PDE10A: variants seen among roughly 807,000 people sequenced by gnomAD.
The protein encoded by PDE10A is phosphodiesterase 10A, also known as cAMP and cAMP-inhibited cGMP 3',5'-cyclic phosphodiesterase 10A.
A neutral mutation model predicts 97.7 loss-of-function variants in PDE10A; 39 were observed. The ratio of observed to expected loss-of-function variants is 0.40; its 90% CI spans 0.31 to 0.52. The LOEUF (loss-of-function observed/expected upper bound fraction) is 0.52, where lower values mean the gene tolerates loss of function less well. Ranked by LOEUF, PDE10A falls within the 20% of genes least tolerant of loss-of-function variation. The probability of loss-of-function intolerance (pLI) is 0.56; values close to 1 mark genes in which losing one functional copy is unlikely to be tolerated. For missense variants in PDE10A, 731 were observed against 1,047.8 expected (o/e 0.70, Z 4.17); for synonymous variants, 371 against 376.8 (o/e 0.98, Z 0.18).
chr6:165,778,138 GATCTCAGTTCATTACA>G (rs1304553963), intron 1 of PDE10A, among the ~76,000 whole-genome samples: 1 of 151,818 alleles, frequency 6.6e-6, no homozygotes. Context: ...GCAGTGGCAC[GATCTCAGTTCATTACA>G]ATCTCTGCCT....
intron 1 of PDE10A, among the ~76,000 whole-genome samples, chr6:165,752,419 C>T (rs1793027068): frequency 6.6e-6 from 1 of 152,332 alleles, no homozygotes; most frequent in Middle Eastern, 3.4e-3. Context: ...TCCAGCTGCA[C>T]TGAACCTGGG....
intron 1 of PDE10A, among the ~76,000 whole-genome samples, chr6:165,600,496 T>A (rs1314671668): frequency 1.3e-5 from 2 of 152,222 alleles, no homozygotes; most frequent in South Asian, 4.1e-4. Flanking sequence ...CACATACACA[T>A]GTAAATGTTC....
At chr6:165,466,254 AG>A (rs1476673447) in intron 3 of PDE10A, among the ~76,000 whole-genome samples, 1 of 152,240 alleles carries the variant, frequency 6.6e-6, no homozygotes, top group Admixed American at 6.5e-5. Flanking sequence ...CACACTAACA[AG>A]TTTAGCGAAA....
At chr6:165,888,508 T>A (rs1781691665) in intron 1 of PDE10A, among the ~76,000 whole-genome samples, 1 of 152,048 alleles carries the variant, frequency 6.6e-6, no homozygotes, top group South Asian at 2.1e-4. Flanking sequence ...ATGGTGTCGA[T>A]CTCCTGACCT....
chr6:165,592,105 G>GAT (rs1405280754), intron 1 of PDE10A, among the ~76,000 whole-genome samples: 1 of 152,006 alleles, frequency 6.6e-6, no homozygotes, highest in African/African-American at 2.4e-5. Context: ...TACCAAAACA[G>GAT]ATATATATAG....
At chr6:165,464,910 T>C (rs960301426) in intron 3 of PDE10A, among the ~76,000 whole-genome samples, 1 of 152,256 alleles carries the variant, frequency 6.6e-6, no homozygotes, top group Non-Finnish European at 1.5e-5. Context: ...ATACTATTGC[T>C]GGACATTTGG....
chr6:165,661,189 CG>C lies in PDE10A; in HGVS notation c.865+757del. 6.5e-6 allele frequency: 1 copy of C among 152,892 alleles called. No individual in the cohort carries two copies. Among genetic ancestry groups the C allele is most frequent in the Non-Finnish European group, 1.5e-5 (1 of 68,526 alleles). 9.5% of individuals were successfully genotyped at this position (152,892 alleles called of 1,614,324 possible). A position where few individuals can be genotyped will look rare whatever the true frequency, so the allele number is the denominator to read the frequency against. On this transcript the variant is annotated intron_variant, in intron 1 of 21. Coordinates refer to ENST00000539869, the MANE Select transcript of PDE10A (RefSeq NM_001385079.1). The surrounding 1 kb of genome is among the most constrained non-coding windows in gnomAD (Gnocchi z 4.8). ...AGGAGTGGCCACGCCACAGTGGGCC[CG>C]GGGGCGCATCCTGCGAGTCGGAGGC...
At chr6:165,413,435 C>A in intron 13 of PDE10A, 66 bp downstream of exon 13, 6 of 1,174,578 alleles carry the variant, frequency 5.1e-6, no homozygotes, top group Middle Eastern at 2.8e-4. Flanking sequence ...CCTTAAGCTG[C>A]TTTATGAAAA....
intron 2 of PDE10A, among the ~76,000 whole-genome samples, chr6:165,500,196 T>A (rs774791829): frequency 3.9e-4 from 59 of 152,078 alleles, no homozygotes; most frequent in Non-Finnish European, 6.3e-4. Flanking sequence ...AATAACATAG[T>A]TTACATTATA....
chr6:165,929,162 A>G (rs4472324), intron 1 of PDE10A, among the ~76,000 whole-genome samples: 30,379 of 152,132 alleles, frequency 0.2, 3,261 homozygotes, highest in East Asian at 0.27. Flanking sequence ...ACAGCCTCAC[A>G]TGTGGCGGGC....
intron 1 of PDE10A, among the ~76,000 whole-genome samples, chr6:165,727,144 C>G (rs1406448371): frequency 6.6e-6 from 1 of 152,250 alleles, no homozygotes; most frequent in Non-Finnish European, 1.5e-5. Context: ...ACAGGAGACC[C>G]TGCCATGGGC....
chr6:165,892,756 C>CT (rs748974602), intron 1 of PDE10A, among the ~76,000 whole-genome samples: 8 of 152,168 alleles, frequency 5.3e-5, no homozygotes, highest in Non-Finnish European at 1.0e-4. Flanking sequence ...AGTGTCATGC[C>CT]TCACCCTCCC....
At chr6:165,811,222 C>CA (rs1186253268) in intron 1 of PDE10A, among the ~76,000 whole-genome samples, 8 of 151,954 alleles carry the variant, frequency 5.3e-5, no homozygotes, top group East Asian at 1.9e-4. Flanking sequence ...GACTCCGTCT[C>CA]AAAAAAAACA....
chr6:165,680,344 A>T (rs1478467416), intron 1 of PDE10A, among the ~76,000 whole-genome samples: 1 of 152,248 alleles, frequency 6.6e-6, no homozygotes, highest in Non-Finnish European at 1.5e-5. Flanking sequence ...CAGCTGTAGC[A>T]ACCTCCACGG....
At chr6:165,680,697 C>G (rs188022628) in intron 1 of PDE10A, among the ~76,000 whole-genome samples, 1 of 152,060 alleles carries the variant, frequency 6.6e-6, no homozygotes, top group Non-Finnish European at 1.5e-5. Flanking sequence ...TGAGGTCAAG[C>G]GTTCGAGACC....
chr6:165,854,424 G>GT (rs1303293208), intron 1 of PDE10A, among the ~76,000 whole-genome samples: 2 of 152,188 alleles, frequency 1.3e-5, no homozygotes, highest in African/African-American at 4.8e-5. Flanking sequence ...AATTGCTGCT[G>GT]TGAGCCGCAA....
chr6:165,901,180 T>A (rs1009549212), intron 1 of PDE10A, among the ~76,000 whole-genome samples: 11 of 152,154 alleles, frequency 7.2e-5, no homozygotes, highest in Non-Finnish European at 1.6e-4. Flanking sequence ...CTGGCCCTGT[T>A]TCTGTGGCGT....
chr6:165,641,153 G>A lies in PDE10A; in HGVS notation c.865+20794C>T, dbSNP rs1447332587. Among the ~76,000 whole-genome samples, 6 of 152,136 alleles carry A rather than the reference G, an allele frequency of 3.9e-5. No homozygotes were observed. The East Asian group carries it at 5.8e-4, about 15-fold the overall frequency. ...ATGGCCAGGCTTTCTGAGCAGACACGTGGGGGCCAGTAAGGGGTGACTGAC... is the reference window on the plus strand; with the variant it reads ...ATGGCCAGGCTTTCTGAGCAGACACATGGGGGCCAGTAAGGGGTGACTGAC... On this transcript the variant is annotated intron_variant, in intron 1 of 21. Coordinates refer to ENST00000539869, the MANE Select transcript of PDE10A (RefSeq NM_001385079.1).
At position 165,633,621 on chromosome 6, in the gene PDE10A, T is replaced by C. The variant is rs1186705384; in HGVS notation, c.865+28326A>G. Among the ~76,000 whole-genome samples the C allele has an allele frequency of 3.3e-5, 5 of 152,218 alleles. No individual in the cohort carries two copies. The East Asian group carries it at 9.7e-4, about 29-fold the overall frequency. ...GAACAGGAATAGTCTATAATACATT[T>C]TTATTTCATTTTATTATGTTTTTGA... is the stretch of plus-strand genomic sequence containing the variant. On this transcript the variant is annotated intron_variant, in intron 1 of 21. Transcript: ENST00000539869.
Sources: gnomAD v4.1 joint callset for allele counts (sites outside exome capture counted in the v4.1 genomes callset) on GRCh38, gnomAD v4.1.1 for gene constraint, Gnocchi (gnomAD v3.1) non-coding constraint, MANE v1.5 for transcripts, NCBI Gene and HGNC (gene_info 2026-07-23, HGNC 2026-07-21) for gene names.